The following FBN2 variants were observed in gnomAD, a reference collection of about 807,000 sequenced individuals.
The protein encoded by FBN2 is fibrillin 2.
FBN2 carries 105 observed loss-of-function variants against 355.6 expected under a neutral mutation model. The ratio of observed to expected loss-of-function variants is 0.30; its 90% confidence interval spans 0.25 to 0.35. The LOEUF (loss-of-function observed/expected upper bound fraction) is 0.35. Among genes scored for constraint, FBN2 ranks in the 10% least tolerant of loss-of-function variants. The probability of loss-of-function intolerance (pLI) is 1.00; values close to 1 mark genes in which losing one functional copy is unlikely to be tolerated. For synonymous variants in FBN2, 1,350 were observed against 1,301.2 expected, an observed-to-expected ratio of 1.04 and a Z score of -0.81; for missense variants, 3,280 against 3,758.7, an observed-to-expected ratio of 0.87 and a Z score of 3.33.
In FBN2 at chr5:128,479,976, CTATATATATATATATATATATATATA is replaced by C. The variant is rs200921131; in HGVS notation, c.629-15081_629-15056del. Among the ~76,000 whole-genome samples, 115 of 29,050 alleles carry C rather than the reference CTATATATATATATATATATATATATA, an allele frequency of 4.0e-3. 1 individual carries two copies. The highest frequency in any genetic ancestry group is 9.8e-3 in the East Asian group (5 of 512). 19.1% of individuals were successfully genotyped at this position (29,050 alleles called of 152,430 possible). On this transcript the variant is annotated intron_variant, in intron 5 of 64. Transcript: ENST00000262464. ...TCTCTCTCTCTCTCTCTCTCTCTCT[CTATATATATATATATATATATATATA>C]TATATATATATATATATATATGTAT...
chr5:128,455,220 A>G (rs1754349417), intron 6 of FBN2, among the ~76,000 whole-genome samples: 1 of 152,186 alleles, frequency 6.6e-6, no homozygotes, highest in East Asian at 1.9e-4. Flanking sequence ...AAAGTTCACA[A>G]ATATTATTGG....
At chr5:128,337,584 G>A (rs1398953556) in intron 27 of FBN2, among the ~76,000 whole-genome samples, 6 of 152,206 alleles carry the variant, frequency 3.9e-5, no homozygotes, top group African/African-American at 9.7e-5. Context: ...TTAAGGGAGC[G>A]CCATGTTCAC....
intron 8 of FBN2, 56 bp downstream of exon 8, chr5:128,408,618 G>C: frequency 6.2e-7 from 1 of 1,604,946 alleles, no homozygotes; most frequent in Non-Finnish European, 8.5e-7. Flanking sequence ...ACCTGTTTGG[G>C]CTGTTTTGTC....
intron 62 of FBN2, among the ~76,000 whole-genome samples, chr5:128,265,415 T>TA (rs769106821): frequency 2.0e-5 from 3 of 152,204 alleles, no homozygotes; most frequent in Non-Finnish European, 4.4e-5. Flanking sequence ...CACCATGATA[T>TA]ACCTCATATT....
chr5:128,408,140 CAAT>C (rs1752979623), intron 8 of FBN2, among the ~76,000 whole-genome samples: 1 of 152,110 alleles, frequency 6.6e-6, no homozygotes, highest in South Asian at 2.1e-4. Context: ...TCTATGCTCG[CAAT>C]AAGACAGATG....
chr5:128,434,475 T>C (rs182225708), intron 7 of FBN2, among the ~76,000 whole-genome samples: 1 of 144,118 alleles, frequency 6.9e-6, no homozygotes, highest in Admixed American at 6.9e-5. Flanking sequence ...GATCTAGGTA[T>C]TACATTTCAA....
chr5:128,481,870 G>A (rs772757683), intron 5 of FBN2, among the ~76,000 whole-genome samples: 2 of 151,996 alleles, frequency 1.3e-5, no homozygotes, highest in East Asian at 1.9e-4. Flanking sequence ...GTTTCTGCTC[G>A]GTAAGCAGAT....
intron 63 of FBN2, 148 bp downstream of exon 63, chr5:128,263,277 G>C: frequency 2.9e-6 from 2 of 692,342 alleles, no homozygotes; most frequent in Non-Finnish European, 5.2e-6. Flanking sequence ...GTGCTTTCTT[G>C]GTATTTATCT....
At chr5:128,428,278 C>A (rs962591845) in intron 7 of FBN2, among the ~76,000 whole-genome samples, 3 of 152,180 alleles carry the variant, frequency 2.0e-5, no homozygotes, top group African/African-American at 7.2e-5. Flanking sequence ...GAATATTATA[C>A]TTCTTAACTG....
chr5:128,364,843 T>C (rs898805232), intron 17 of FBN2, 118 bp from the exon 18 acceptor site: 1 of 850,088 alleles, frequency 1.2e-6, no homozygotes, highest in African/African-American at 1.7e-5. Context: ...AACTCACAAT[T>C]TGCCTGCCTT....
rs115788356 is a variant in FBN2, at chr5:128,342,495, G to A, written c.3343+1890C>T. On this transcript the variant is annotated intron_variant, in intron 25 of 64. Transcript: ENST00000262464. Reference sequence around the variant, plus strand: ...GGGTGAGACTTACCAGCAGGAAAACGGGATGGTAGCTTGAGAGAAAAGAAG... The same window carrying A: ...GGGTGAGACTTACCAGCAGGAAAACAGGATGGTAGCTTGAGAGAAAAGAAG... 4.6e-3 allele frequency among the ~76,000 whole-genome samples: 698 copies of A among 152,134 alleles called. 9 individuals are homozygous for A. Among genetic ancestry groups the A allele is most frequent in the African/African-American group, 0.015 (620 of 41,528 alleles).
chr5:128,413,255 A>T (rs886754014), intron 7 of FBN2, among the ~76,000 whole-genome samples: 10 of 152,228 alleles, frequency 6.6e-5, no homozygotes, highest in Non-Finnish European at 1.5e-4. Context: ...CAAAGAAGAC[A>T]AATGAAAAGA....
chr5:128,429,541 TA>T (rs1467868324), intron 7 of FBN2, among the ~76,000 whole-genome samples: 1 of 152,220 alleles, frequency 6.6e-6, no homozygotes, highest in Admixed American at 6.5e-5. Context: ...AAATAGTGTT[TA>T]TATATACTGG....
intron 11 of FBN2, among the ~76,000 whole-genome samples, chr5:128,391,062 A>C (rs537443143): frequency 5.8e-4 from 89 of 152,332 alleles, no homozygotes; most frequent in African/African-American, 1.9e-3. Context: ...ATGTTACAAA[A>C]TCCACTCAAA....
intron 7 of FBN2, among the ~76,000 whole-genome samples, chr5:128,422,798 TG>T (rs1251684569): frequency 6.6e-6 from 1 of 152,184 alleles, no homozygotes; most frequent in Non-Finnish European, 1.5e-5. Context: ...AAGAATCACA[TG>T]GACAGCTTAT....
Position 128,351,427 on chromosome 5 carries a change from A to G in FBN2, c.2675-422T>C, listed in dbSNP as rs372418209. Among the ~76,000 whole-genome samples, 8 of 152,036 alleles carry G rather than the reference A, an allele frequency of 5.3e-5. No homozygotes were observed. In the East Asian group the frequency reaches 1.6e-3, roughly 30 times the overall value. ...CCAGGCTTGGTGGCAGGTGTCTGTAATCCCAGCTACTCGGGAGGCTGAGGC... is the reference window on the plus strand; with the variant it reads ...CCAGGCTTGGTGGCAGGTGTCTGTAGTCCCAGCTACTCGGGAGGCTGAGGC... On this transcript the variant is annotated intron_variant, in intron 20 of 64. Coordinates refer to ENST00000262464, the MANE Select transcript of FBN2 (RefSeq NM_001999.4).
intron 56 of FBN2, among the ~76,000 whole-genome samples, chr5:128,279,677 C>T (rs1765485727): frequency 6.6e-6 from 1 of 151,936 alleles, no homozygotes; most frequent in Non-Finnish European, 1.5e-5. Flanking sequence ...TTTGCAGCTG[C>T]CATAATTAAC....
At chr5:128,384,040 C>A (rs1361273617) in intron 11 of FBN2, among the ~76,000 whole-genome samples, 1 of 151,872 alleles carries the variant, frequency 6.6e-6, no homozygotes, top group African/African-American at 2.4e-5. Flanking sequence ...AAATAAGTGC[C>A]CATCAACTTG....
Position 128,421,846 on chromosome 5 carries a change from C to G in FBN2, c.953-13047G>C, listed in dbSNP as rs1045237263. On this transcript the variant is annotated intron_variant, in intron 7 of 64. Coordinates refer to ENST00000262464, the MANE Select transcript of FBN2 (RefSeq NM_001999.4). ...CAATGATATCATATTTAGAACCTATCAGTATGTGAGCTTGCACGACAAAGA... is the reference window on the plus strand; with the variant it reads ...CAATGATATCATATTTAGAACCTATGAGTATGTGAGCTTGCACGACAAAGA... 2.0e-5 allele frequency among the ~76,000 whole-genome samples: 3 copies of G among 152,270 alleles called. No individual in the cohort carries two copies. In the East Asian group the frequency reaches 5.8e-4, roughly 29 times the overall value.
Sources: allele counts gnomAD v4.1 joint callset (sites outside exome capture counted in the v4.1 genomes callset), GRCh38; gene constraint gnomAD v4.1.1; transcripts MANE v1.5; gene names NCBI Gene and HGNC (gene_info 2026-07-23, HGNC 2026-07-21).